The following NRG1 variants were observed in gnomAD, a reference collection of about 807,000 sequenced individuals.
NRG1 encodes neuregulin 1.
Under a neutral mutation model 63.8 loss-of-function variants are expected in NRG1, and 18 were observed. The observed-to-expected ratio is 0.28, with a 90% CI of 0.19 to 0.42. The LOEUF (loss-of-function observed/expected upper bound fraction) is 0.42, where lower values mean the gene tolerates loss of function less well. Among genes scored for constraint, NRG1 ranks in the 10% least tolerant of loss-of-function variants. NRG1 has a pLI of 1.00. For synonymous variants in NRG1, 302 were observed against 301.3 expected, an observed-to-expected ratio of 1.00 and a Z score of -0.02; for missense variants, 762 against 814.7, an observed-to-expected ratio of 0.94 and a Z score of 0.79.
intron 1 of NRG1, among the ~76,000 whole-genome samples, chr8:31,850,867 A>G (rs1374660523): frequency 6.6e-6 from 1 of 152,192 alleles, no homozygotes; most frequent in Non-Finnish European, 1.5e-5. Flanking sequence ...CTACAATGAA[A>G]TGGCTTTCTC....
chr8:32,091,409 T>A (rs956345839), intron 1 of NRG1, among the ~76,000 whole-genome samples: 1 of 152,202 alleles, frequency 6.6e-6, no homozygotes, highest in African/African-American at 2.4e-5. Flanking sequence ...AAAGGGCATT[T>A]CTGAAGTAAT....
chr8:32,677,477 G>T (rs984008070), intron 5 of NRG1, among the ~76,000 whole-genome samples: 1 of 151,866 alleles, frequency 6.6e-6, no homozygotes, highest in Non-Finnish European at 1.5e-5. Flanking sequence ...AGCAACATGG[G>T]GAGATCCTGT....
intron 1 of NRG1, among the ~76,000 whole-genome samples, chr8:31,735,710 TA>T (rs1439889821): frequency 2.6e-5 from 4 of 152,224 alleles, no homozygotes; most frequent in African/African-American, 4.8e-5. Flanking sequence ...TATTTCTTTT[TA>T]ACTTAACTTT....
intron 1 of NRG1, among the ~76,000 whole-genome samples, chr8:31,964,731 C>T (rs954981991): frequency 3.3e-5 from 5 of 152,116 alleles, no homozygotes; most frequent in African/African-American, 1.2e-4. Flanking sequence ...TTTGGGCCAG[C>T]CTAATAATAA....
At chr8:32,555,617 G>A (rs1324604082) in intron 1 of NRG1, among the ~76,000 whole-genome samples, 4 of 152,056 alleles carry the variant, frequency 2.6e-5, no homozygotes, top group Admixed American at 6.6e-5. Context: ...GACTACAGGC[G>A]CCCACCACCA....
intron 1 of NRG1, among the ~76,000 whole-genome samples, chr8:31,975,824 T>A (rs1482328065): frequency 1.3e-5 from 2 of 152,210 alleles, no homozygotes; most frequent in Non-Finnish European, 2.9e-5. Flanking sequence ...ACACTTTACA[T>A]GGAGAAAAAA....
intron 1 of NRG1, among the ~76,000 whole-genome samples, chr8:32,492,762 T>C (rs1826753375): frequency 6.6e-6 from 1 of 152,178 alleles, no homozygotes; most frequent in Non-Finnish European, 1.5e-5. Flanking sequence ...TTCTTTGTAC[T>C]CTCACAGTCC....
intron 1 of NRG1, among the ~76,000 whole-genome samples, chr8:31,766,806 A>T (rs192759104): frequency 5.3e-5 from 8 of 152,266 alleles, no homozygotes; most frequent in African/African-American, 1.2e-4. Flanking sequence ...TGTTTATTTT[A>T]AAAAAGGCTA....
At chr8:32,421,895 A>G (rs1393263911) in intron 1 of NRG1, among the ~76,000 whole-genome samples, 1 of 152,226 alleles carries the variant, frequency 6.6e-6, no homozygotes. Flanking sequence ...ACAGAAAGTC[A>G]AATACTGCAT....
chr8:32,117,264 G>GTATGAC (rs1227643818), intron 1 of NRG1, among the ~76,000 whole-genome samples: 1 of 152,142 alleles, frequency 6.6e-6, no homozygotes, highest in African/African-American at 2.4e-5. Context: ...ATATGTAGTT[G>GTATGAC]TATGACTATT....
chr8:32,121,610 C>A (rs1302162023), intron 1 of NRG1, among the ~76,000 whole-genome samples: 4 of 152,014 alleles, frequency 2.6e-5, no homozygotes, highest in East Asian at 3.9e-4. Flanking sequence ...AGACTTAATT[C>A]TTGATAGCTG....
intron 2 of NRG1, among the ~76,000 whole-genome samples, chr8:32,602,077 G>A (rs926083880): frequency 6.6e-6 from 1 of 152,080 alleles, no homozygotes. Flanking sequence ...GCCCATTGAT[G>A]TTCTGTCTTA....
At chr8:32,623,935 C>T (rs1273474919) in intron 5 of NRG1, among the ~76,000 whole-genome samples, 1 of 152,038 alleles carries the variant, frequency 6.6e-6, no homozygotes, top group Non-Finnish European at 1.5e-5. Context: ...TTCTTTTGGA[C>T]CATAAAATAT....
At chr8:32,713,101 C>G (rs1818221143) in intron 5 of NRG1, among the ~76,000 whole-genome samples, 1 of 152,146 alleles carries the variant, frequency 6.6e-6, no homozygotes, top group South Asian at 2.1e-4. Flanking sequence ...GTACCTGTCT[C>G]TCGAAAGTGA....
intron 1 of NRG1, among the ~76,000 whole-genome samples, chr8:31,912,892 T>C (rs1162609514): frequency 2.0e-5 from 3 of 152,146 alleles, no homozygotes; most frequent in Non-Finnish European, 4.4e-5. Flanking sequence ...CTAAAAAATA[T>C]TTCTGGGTTA....
At chr8:32,196,943 CTTTTTTTTTTTTTTTTTTTTTT>C (rs773398472) in intron 1 of NRG1, among the ~76,000 whole-genome samples, 2 of 27,444 alleles carry the variant, frequency 7.3e-5, no homozygotes, top group African/African-American at 1.1e-4. Context: ...TCAGAACATT[CTTTTTTTTTTTTTTTTTTTTTT>C]TTTTTTTTTT....
At position 32,617,001 on chromosome 8, in the gene NRG1, G is replaced by C; in HGVS notation, c.502+116G>C. The C allele has an allele frequency of 6.6e-6, 5 of 753,548 alleles. No homozygotes were observed. In the Admixed American group the frequency reaches 9.1e-5, roughly 14 times the overall value. The allele number at this position is 753,548 out of a possible 1,614,324, so 46.7% of individuals were successfully genotyped here. ...ATTAAGGGTCAGAGTATTGAGTTTG[G>C]CAATAGGTGGTATTTGCTGTTTGGA... On this transcript the variant is annotated intron_variant, in intron 5 of 11. Transcript: ENST00000356819.
chr8:32,510,546 A>C (rs959599554), intron 1 of NRG1, among the ~76,000 whole-genome samples: 15 of 152,278 alleles, frequency 9.9e-5, no homozygotes, highest in Admixed American at 8.5e-4. Flanking sequence ...CAGGACTCTA[A>C]TAAAATGGAA....
At chr8:32,727,067 A>T (rs1036748930) in intron 5 of NRG1, among the ~76,000 whole-genome samples, 1 of 152,172 alleles carries the variant, frequency 6.6e-6, no homozygotes, top group African/African-American at 2.4e-5. Flanking sequence ...GTTCCCAATG[A>T]TATGAGAAGA....
Sources: gnomAD v4.1 joint callset for allele counts (sites outside exome capture counted in the v4.1 genomes callset) on GRCh38, gnomAD v4.1.1 for gene constraint, MANE v1.5 for transcripts, NCBI Gene and HGNC (gene_info 2026-07-23, HGNC 2026-07-21) for gene names.